The following MPZL1 variants were observed in gnomAD, a reference collection of about 807,000 sequenced individuals.
MPZL1 encodes myelin protein zero-like protein 1.
Under a neutral mutation model 29.3 loss-of-function variants are expected in MPZL1, and 16 were observed. The ratio of observed to expected loss-of-function variants is 0.55; its 90% CI spans 0.37 to 0.83. MPZL1 has a LOEUF of 0.83. MPZL1 is among the 40% of genes least tolerant of loss of function. The pLI is 0.00. For synonymous variants in MPZL1, 143 were observed against 132.0 expected, an observed-to-expected ratio of 1.08 and a Z score of -0.57; for missense variants, 279 against 332.9, an observed-to-expected ratio of 0.84 and a Z score of 1.26.
At chr1:167,783,571 G>A (rs1661536183) in intron 5 of MPZL1, among the ~76,000 whole-genome samples, 2 of 152,216 alleles carry the variant, frequency 1.3e-5, no homozygotes, top group South Asian at 4.1e-4. Context: ...AAGTAGTTAT[G>A]TGCGTTTTTC....
intron 1 of MPZL1, among the ~76,000 whole-genome samples, chr1:167,739,831 C>T (rs1213105352): frequency 6.6e-6 from 1 of 152,196 alleles, no homozygotes; most frequent in Non-Finnish European, 1.5e-5. Flanking sequence ...AACCTCCTTA[C>T]CAGAAAATGT....
chr1:167,749,838 T>A (rs1403207742), intron 1 of MPZL1, among the ~76,000 whole-genome samples: 1 of 152,238 alleles, frequency 6.6e-6, no homozygotes, highest in African/African-American at 2.4e-5. Context: ...TAGAGGCTAC[T>A]ACTGGAGGCA....
At chr1:167,781,066 A>G (rs1033923366) in intron 5 of MPZL1, among the ~76,000 whole-genome samples, 1 of 152,154 alleles carries the variant, frequency 6.6e-6, no homozygotes, top group African/African-American at 2.4e-5. Context: ...ACATAATCCT[A>G]AATATTTATA....
At chr1:167,748,334 C>G (rs59514030) in intron 1 of MPZL1, among the ~76,000 whole-genome samples, 1 of 152,184 alleles carries the variant, frequency 6.6e-6, no homozygotes, top group Admixed American at 6.5e-5. Flanking sequence ...TATAGCCATC[C>G]TAGCGAGTGT....
At chr1:167,781,829 A>C (rs1046638843) in intron 5 of MPZL1, among the ~76,000 whole-genome samples, 1 of 152,058 alleles carries the variant, frequency 6.6e-6, no homozygotes, top group African/African-American at 2.4e-5. Context: ...TTGGCATTTT[A>C]TATACTATTT....
chr1:167,739,262 C>CATAT (rs1285688188), intron 1 of MPZL1, among the ~76,000 whole-genome samples: 9 of 120,290 alleles, frequency 7.5e-5, no homozygotes, highest in Non-Finnish European at 1.1e-4. Context: ...AATACATACA[C>CATAT]ATACATATAT....
At chr1:167,733,018 C>A (rs10918751) in intron 1 of MPZL1, among the ~76,000 whole-genome samples, 51,629 of 152,070 alleles carry the variant, frequency 0.34, 9,513 homozygotes, top group African/African-American at 0.49. Flanking sequence ...AACTGGCACA[C>A]GTTTGGGAAT....
In MPZL1 at chr1:167,746,195, G is replaced by T. The variant is rs140972124; in HGVS notation, c.92-19388G>T. On this transcript the variant is annotated intron_variant, in intron 1 of 5. Transcript: ENST00000359523. ...GGAGTTGGCCCAACGGGAGTGGGTTGGTGGAGAAGGCATTCAGACTGAGAG... is the reference window on the plus strand; with the variant it reads ...GGAGTTGGCCCAACGGGAGTGGGTTTGTGGAGAAGGCATTCAGACTGAGAG... 1.4e-3 allele frequency among the ~76,000 whole-genome samples: 217 copies of T among 152,166 alleles called. 2 individuals are homozygous for T. The highest frequency in any genetic ancestry group is 2.7e-3 in the Non-Finnish European group (183 of 68,014).
intron 4 of MPZL1, among the ~76,000 whole-genome samples, chr1:167,775,771 A>T (rs989795094): frequency 1.1e-4 from 16 of 152,236 alleles, no homozygotes; most frequent in Admixed American, 2.6e-4. Flanking sequence ...ATAAATGTGT[A>T]TTGTAACTAG....
rs1660039328 is a variant in MPZL1, at chr1:167,722,062, C to T, written c.-90C>T. On this transcript the variant is annotated 5_prime_UTR_variant, in exon 1 of 6. Coordinates refer to ENST00000359523, the MANE Select transcript of MPZL1 (RefSeq NM_003953.6). ...CACCCGGCGCGGGTGGCGGAGAGAT[C>T]AGAAGCCTCTTCCCCAAGCCGAGCC... The T allele has an allele frequency of 1.6e-6, 2 of 1,229,606 alleles. No individual in the cohort carries two copies. The highest frequency in any genetic ancestry group is 2.0e-6 in the Non-Finnish European group (2 of 986,410). The allele number at this position is 1,229,606 out of a possible 1,614,324, so 76.2% of individuals were successfully genotyped here.
At chr1:167,767,298 A>G (rs925677918) in intron 2 of MPZL1, among the ~76,000 whole-genome samples, 2 of 152,260 alleles carry the variant, frequency 1.3e-5, no homozygotes, top group Non-Finnish European at 1.5e-5. Flanking sequence ...GATTAAACAC[A>G]TAAGTTTACT....
At chr1:167,771,760 G>A (rs947913791) in intron 2 of MPZL1, among the ~76,000 whole-genome samples, 2 of 152,124 alleles carry the variant, frequency 1.3e-5, no homozygotes, top group African/African-American at 4.8e-5. Context: ...AGTACTTTGG[G>A]AGACCAAGGC....
chr1:167,761,344 A>C (rs1001086044), intron 1 of MPZL1, among the ~76,000 whole-genome samples: 2 of 152,072 alleles, frequency 1.3e-5, no homozygotes, highest in African/African-American at 2.4e-5. Context: ...GAAGAGGGAG[A>C]ATTGCTGGAT....
At position 167,734,111 on chromosome 1, in the gene MPZL1, C is replaced by T. The variant is rs563335890; in HGVS notation, c.91+11869C>T. ...CTCTACTAAAAATACAAAAAATTAG[C>T]CAGGCATGGTGGTGGGCACCTGTAG... On this transcript the variant is annotated intron_variant, in intron 1 of 5. Transcript: ENST00000359523. Among the ~76,000 whole-genome samples the T allele has an allele frequency of 7.9e-5, 12 of 152,098 alleles. No individual in the cohort carries two copies. In the Middle Eastern group the frequency reaches 0.014, roughly 172 times the overall value.
intron 1 of MPZL1, among the ~76,000 whole-genome samples, chr1:167,735,510 ACT>A (rs1660359528): frequency 6.6e-6 from 1 of 151,958 alleles, no homozygotes; most frequent in Non-Finnish European, 1.5e-5. Context: ...GTGTGTGTGC[ACT>A]CTCTTTTTCT....
rs541191331 is a variant in MPZL1, at chr1:167,722,331, GC to G, written c.91+90del. Reference sequence around the variant, plus strand: ...ATCGCGGCGGTCGCAGGCCAGGCGCGCGCACTGAGAGCCGAGGTGGGGAGGG... The same window carrying G: ...ATCGCGGCGGTCGCAGGCCAGGCGCGGCACTGAGAGCCGAGGTGGGGAGGG... On this transcript the variant is annotated intron_variant, in intron 1 of 5. Coordinates refer to ENST00000359523, the MANE Select transcript of MPZL1 (RefSeq NM_003953.6). 1.8e-4 allele frequency: 226 copies of G among 1,228,298 alleles called. No individual in the cohort carries two copies. In the South Asian group the frequency reaches 7.7e-3, roughly 42 times the overall value. The allele number at this position is 1,228,298 out of a possible 1,614,324, so 76.1% of individuals were successfully genotyped here.
intron 2 of MPZL1, among the ~76,000 whole-genome samples, chr1:167,772,048 G>C (rs564417956): frequency 2.0e-5 from 3 of 152,108 alleles, no homozygotes; most frequent in Non-Finnish European, 4.4e-5. Context: ...ACAGGAGCCC[G>C]AGGCAGGGAG....
chr1:167,739,132 A>G lies in MPZL1; in HGVS notation c.91+16890A>G, dbSNP rs1431534918. Among the ~76,000 whole-genome samples the G allele has an allele frequency of 2.6e-5, 4 of 151,548 alleles. 1 individual carries two copies. In the South Asian group the frequency reaches 6.3e-4, roughly 24 times the overall value. ...AAGCTTTGTGTTTTTTGGTAGAGAC[A>G]GGGTTTCACCATGTTAGTCAACCTG... On this transcript the variant is annotated intron_variant, in intron 1 of 5. Transcript: ENST00000359523.
chr1:167,735,535 A>G (rs1660360107), intron 1 of MPZL1, among the ~76,000 whole-genome samples: 2 of 152,150 alleles, frequency 1.3e-5, no homozygotes, highest in African/African-American at 4.8e-5. Flanking sequence ...ATATAAATAT[A>G]GATAGATAAC....
Sources: allele counts gnomAD v4.1 joint callset (sites outside exome capture counted in the v4.1 genomes callset), GRCh38; gene constraint gnomAD v4.1.1; transcripts MANE v1.5; gene names NCBI Gene and HGNC (gene_info 2026-07-23, HGNC 2026-07-21).